Variants in FSD1L observed in about 807,000 individuals in gnomAD.
FSD1L encodes fibronectin type III and SPRY domain containing 1 like.
Under a neutral mutation model 71.6 loss-of-function variants are expected in FSD1L, and 45 were observed. That is an observed-to-expected ratio of 0.63 (90% CI 0.49 to 0.81). The LOEUF (loss-of-function observed/expected upper bound fraction) is 0.81, where lower values mean the gene tolerates loss of function less well. Among genes scored for constraint, FSD1L ranks in the 30% least tolerant of loss-of-function variants. FSD1L has a pLI of 0.00. For missense variants in FSD1L, 561 were observed against 618.1 expected (o/e 0.91, Z 0.98); for synonymous variants, 197 against 207.2 (o/e 0.95, Z 0.42).
chr9:105,470,334 G>A (rs1417330464), intron 4 of FSD1L, among the ~76,000 whole-genome samples: 2 of 152,072 alleles, frequency 1.3e-5, no homozygotes, highest in Non-Finnish European at 2.9e-5. Flanking sequence ...TTTATAGATT[G>A]CTTTGGGTAG....
At chr9:105,452,669 G>GCCTGCCTGCCTGCCTGCCTTCCTT (rs1191519308) in intron 1 of FSD1L, among the ~76,000 whole-genome samples, 25 of 96,228 alleles carry the variant, frequency 2.6e-4, no homozygotes, top group African/African-American at 8.9e-4. Flanking sequence ...CTGCCTGCCT[G>GCCTGCCTGCCTGCCTGCCTTCCTT]CCTTCCTTCC....
intron 10 of FSD1L, chr9:105,513,639 T>C (rs1834527853): frequency 3.3e-6 from 5 of 1,527,752 alleles, no homozygotes; most frequent in African/African-American, 1.4e-5. Context: ...AAGGTGATGA[T>C]CTATGTCTGT....
upstream of FSD1L, among the ~76,000 whole-genome samples, chr9:105,444,474 T>C (rs1274069984): frequency 6.6e-6 from 1 of 152,076 alleles, no homozygotes; most frequent in Non-Finnish European, 1.5e-5. Flanking sequence ...CTGGCAACAC[T>C]GAAAGGAAGG....
chr9:105,445,771 G>A (rs1282318488), upstream of FSD1L, among the ~76,000 whole-genome samples: 1 of 152,200 alleles, frequency 6.6e-6, no homozygotes, highest in Non-Finnish European at 1.5e-5. Context: ...GCAGCAGTGG[G>A]CTAATGGCTT....
chr9:105,506,602 C>CT lies in FSD1L; in HGVS notation c.791dup (p.Ser265IlefsTer6), dbSNP rs1834065475. On this transcript the variant is annotated frameshift_variant, in exon 8 of 14. Transcript: ENST00000481272. LOFTEE classifies it high-confidence loss of function. ...TAATATTAAGGGTACTGAATATACA[C>CT]TATCAGGTAACATGACTGCATTTTA... 1 of 1,537,328 alleles carries CT rather than the reference C, an allele frequency of 6.5e-7. No homozygotes were observed. Among genetic ancestry groups the CT allele is most frequent in the Non-Finnish European group, 8.8e-7 (1 of 1,134,210 alleles).
chr9:105,508,773 A>G (rs567391513), intron 9 of FSD1L, 58 bp downstream of exon 9: 3 of 1,047,810 alleles, frequency 2.9e-6, no homozygotes, highest in Admixed American at 5.2e-5. Context: ...GAAGTTATTC[A>G]TAACTTTGTA....
At chr9:105,485,068 T>C (rs1832447482) in intron 7 of FSD1L, among the ~76,000 whole-genome samples, 1 of 152,232 alleles carries the variant, frequency 6.6e-6, no homozygotes, top group African/African-American at 2.4e-5. Context: ...CATGAGGATA[T>C]TGCAGTAGCC....
intron 12 of FSD1L, among the ~76,000 whole-genome samples, chr9:105,537,810 G>A (rs553244451): frequency 6.6e-6 from 1 of 152,260 alleles, no homozygotes; most frequent in Admixed American, 6.5e-5. Context: ...TAGCTATTAA[G>A]CCCTTATTGC....
intron 12 of FSD1L, 48 bp from the exon 13 acceptor site, chr9:105,539,215 T>C (rs1836453812): frequency 1.2e-6 from 1 of 862,218 alleles, no homozygotes; most frequent in African/African-American, 1.8e-5. Flanking sequence ...TAATTAAATG[T>C]TACAATTTTT....
chr9:105,442,436 T>C, the FSD1L span, among the ~76,000 whole-genome samples: 1 of 151,920 alleles, frequency 6.6e-6, no homozygotes, highest in South Asian at 2.1e-4. Flanking sequence ...CTCAGCAGTT[T>C]GGGAGGCCAA....
At chr9:105,446,877 T>C (rs956585504), upstream of FSD1L, among the ~76,000 whole-genome samples, 1 of 152,150 alleles carries the variant, frequency 6.6e-6, no homozygotes, top group Admixed American at 6.5e-5. Flanking sequence ...AATTGAACTT[T>C]TGTGAGCCTC....
At chr9:105,488,247 T>C (rs1832684185) in intron 7 of FSD1L, among the ~76,000 whole-genome samples, 2 of 152,234 alleles carry the variant, frequency 1.3e-5, no homozygotes, top group South Asian at 4.1e-4. Flanking sequence ...TTTTGCCTTT[T>C]CCAGAATCTT....
chr9:105,499,709 C>A (rs1000126652), intron 7 of FSD1L, among the ~76,000 whole-genome samples: 1 of 151,288 alleles, frequency 6.6e-6, no homozygotes, highest in African/African-American at 2.4e-5. Flanking sequence ...CATCCTAGAT[C>A]TGTAGTTTGG....
chr9:105,523,341 C>T, intron 10 of FSD1L: 1 of 1,597,118 alleles, frequency 6.3e-7, no homozygotes, highest in Non-Finnish European at 8.6e-7. Context: ...CGCTGTTCTT[C>T]AGACACCAGA....
intron 7 of FSD1L, among the ~76,000 whole-genome samples, chr9:105,484,939 C>G (rs1469493913): frequency 6.6e-6 from 1 of 152,012 alleles, no homozygotes; most frequent in Non-Finnish European, 1.5e-5. Context: ...TATAATAGTA[C>G]CTGCACATAG....
intron 13 of FSD1L, 86 bp downstream of exon 13, chr9:105,539,437 G>A (rs1433076131): frequency 6.3e-6 from 3 of 477,704 alleles, no homozygotes; most frequent in Admixed American, 8.6e-5. Context: ...TGTATATTTG[G>A]AGAAGGAGAA....
chr9:105,523,303 A>G, intron 10 of FSD1L: 2 of 1,593,330 alleles, frequency 1.3e-6, no homozygotes, highest in Non-Finnish European at 1.7e-6. Flanking sequence ...GAACAGAAGG[A>G]TCTGCAGCTC....
intron 4 of FSD1L, among the ~76,000 whole-genome samples, chr9:105,469,794 T>G (rs537686994): frequency 6.6e-6 from 1 of 152,122 alleles, no homozygotes; most frequent in East Asian, 1.9e-4. Flanking sequence ...TTACGTCATC[T>G]AATTTGTCTA....
chr9:105,521,341 C>A, intron 10 of FSD1L: 1 of 1,614,102 alleles, frequency 6.2e-7, no homozygotes, highest in Non-Finnish European at 8.5e-7. Context: ...ACTACAGAAC[C>A]CGAACAGTCT....
Sources: gnomAD v4.1 joint callset for allele counts (sites outside exome capture counted in the v4.1 genomes callset) on GRCh38, gnomAD v4.1.1 for gene constraint, MANE v1.5 for transcripts, NCBI Gene and HGNC (gene_info 2026-07-23, HGNC 2026-07-21) for gene names.